EYS: variants seen among roughly 807,000 people sequenced by gnomAD.
EYS encodes the protein EGF-like photoreceptor maintenance factor.
In EYS, 250 loss-of-function variants were observed where a neutral mutation model predicts 282.1. The ratio of observed to expected loss-of-function variants is 0.89; its 90% confidence interval spans 0.80 to 0.98. The LOEUF is 0.98. EYS is among the 50% of genes least tolerant of loss of function. The pLI is 0.00. For missense variants in EYS, 4,016 were observed against 3,709.0 expected, an observed-to-expected ratio of 1.08 and a Z score of -2.15; for synonymous variants, 1,355 against 1,282.9, an observed-to-expected ratio of 1.06 and a Z score of -1.20.
chr6:65,641,225 C>T (rs1767264901), intron 1 of EYS, among the ~76,000 whole-genome samples: 1 of 152,200 alleles, frequency 6.6e-6, no homozygotes, highest in South Asian at 2.1e-4. Flanking sequence ...GCTGTAAGAA[C>T]CAGAAGCATC....
chr6:63,987,241 T>C (rs1020327667), intron 34 of EYS, among the ~76,000 whole-genome samples: 2 of 151,694 alleles, frequency 1.3e-5, no homozygotes, highest in Non-Finnish European at 1.5e-5. Flanking sequence ...GTTTTTTCAG[T>C]GTAGCTGTAG....
At chr6:65,438,779 A>G (rs528253258) in intron 5 of EYS, among the ~76,000 whole-genome samples, 1,858 of 152,108 alleles carry the variant, frequency 0.012, 17 homozygotes, top group Admixed American at 0.02. Flanking sequence ...AGTAGATTGC[A>G]AAAATTTTCT....
intron 37 of EYS, among the ~76,000 whole-genome samples, chr6:63,789,979 C>T (rs1480107208): frequency 1.3e-5 from 2 of 152,168 alleles, no homozygotes; most frequent in Non-Finnish European, 2.9e-5. Context: ...GATCTGTTCA[C>T]AGGAAGCAGA....
intron 22 of EYS, among the ~76,000 whole-genome samples, chr6:64,704,331 TATAC>T (rs1770899170): frequency 6.9e-6 from 1 of 145,960 alleles, no homozygotes; most frequent in African/African-American, 2.5e-5. Flanking sequence ...TATAAATATA[TATAC>T]ATATATAAAA....
chr6:65,026,621 A>G (rs1772416022), intron 13 of EYS, among the ~76,000 whole-genome samples: 1 of 152,186 alleles, frequency 6.6e-6, no homozygotes, highest in Admixed American at 6.5e-5. Flanking sequence ...AGAAACAAGT[A>G]AAGATTCAGA....
At chr6:64,609,295 G>A (rs1157223552) in intron 24 of EYS, among the ~76,000 whole-genome samples, 1 of 152,278 alleles carries the variant, frequency 6.6e-6, no homozygotes, top group African/African-American at 2.4e-5. Flanking sequence ...AGGGACATAT[G>A]CTAAAACCTG....
intron 12 of EYS, among the ~76,000 whole-genome samples, chr6:65,071,327 T>C (rs12207150): frequency 0.25 from 38,517 of 151,764 alleles, 5,267 homozygotes; most frequent in South Asian, 0.32. Context: ...TCAGCCTATT[T>C]GATATCAGAA....
chr6:64,752,670 A>G (rs1202874032), intron 22 of EYS, among the ~76,000 whole-genome samples: 3 of 152,164 alleles, frequency 2.0e-5, no homozygotes, highest in African/African-American at 7.2e-5. Context: ...AGGAAGATAC[A>G]TTGCAAGATG....
intron 30 of EYS, among the ~76,000 whole-genome samples, chr6:64,244,577 C>T (rs1486398754): frequency 6.6e-6 from 1 of 152,046 alleles, no homozygotes; most frequent in Non-Finnish European, 1.5e-5. Context: ...GCAAATATAG[C>T]CCTCTCACAT....
intron 19 of EYS, among the ~76,000 whole-genome samples, chr6:64,885,626 T>C (rs746682787): frequency 6.6e-6 from 1 of 151,830 alleles, no homozygotes. Context: ...GTTTCTTGTA[T>C]ATTATATGTA....
Position 65,076,563 on chromosome 6 carries a change from A to T in EYS, c.2024-18836T>A, listed in dbSNP as rs536320655. Among the ~76,000 whole-genome samples the T allele has an allele frequency of 1.6e-3, 243 of 152,176 alleles. 2 individuals carry two copies. Among genetic ancestry groups the T allele is most frequent in the African/African-American group, 5.6e-3 (233 of 41,538 alleles). ...TAAACTTATTTGTTCAGGTTTACAC[A>T]TCTAGAAAGCAACAAAATTATGACT... is the stretch of plus-strand genomic sequence containing the variant. On this transcript the variant is annotated intron_variant, in intron 12 of 42. Coordinates refer to ENST00000503581, the MANE Select transcript of EYS (RefSeq NM_001142800.2).
At chr6:64,759,407 A>C (rs1485197896) in intron 22 of EYS, among the ~76,000 whole-genome samples, 1 of 152,212 alleles carries the variant, frequency 6.6e-6, no homozygotes, top group Non-Finnish European at 1.5e-5. Flanking sequence ...TTTTATGTAC[A>C]TAATTTTACT....
intron 22 of EYS, among the ~76,000 whole-genome samples, chr6:64,744,213 T>G (rs1388164024): frequency 6.6e-6 from 1 of 152,118 alleles, no homozygotes; most frequent in Non-Finnish European, 1.5e-5. Flanking sequence ...TTGAATCAAT[T>G]CTAGTTGGTA....
At chr6:63,999,208 T>C in intron 33 of EYS, 25 bp from the exon 34 acceptor site, 3 of 1,473,814 alleles carry the variant, frequency 2.0e-6, no homozygotes, top group Non-Finnish European at 2.8e-6. Flanking sequence ...GAAGAGGCCA[T>C]TATGATATGT....
intron 30 of EYS, among the ~76,000 whole-genome samples, chr6:64,299,107 C>T (rs1285147991): frequency 6.6e-6 from 1 of 152,174 alleles, no homozygotes; most frequent in Non-Finnish European, 1.5e-5. Context: ...TGGGTGAAGG[C>T]AGCCTAATCC....
At chr6:64,369,173 T>C (rs998449759) in intron 29 of EYS, among the ~76,000 whole-genome samples, 4 of 152,160 alleles carry the variant, frequency 2.6e-5, no homozygotes, top group Admixed American at 2.0e-4. Context: ...GTTTATCAAA[T>C]AGGGAGTCCT....
chr6:65,673,395 G>A (rs1474180851), intron 1 of EYS, among the ~76,000 whole-genome samples: 3 of 152,040 alleles, frequency 2.0e-5, no homozygotes, highest in African/African-American at 7.2e-5. Flanking sequence ...ATTGGTGATG[G>A]CCTAGATGTG....
At chr6:63,831,517 A>G (rs947152495) in intron 36 of EYS, among the ~76,000 whole-genome samples, 11 of 152,210 alleles carry the variant, frequency 7.2e-5, no homozygotes, top group African/African-American at 2.7e-4. Flanking sequence ...AGAGCTAACT[A>G]TCCTAAATAT....
chr6:64,401,106 G>C (rs1172764943), intron 28 of EYS, among the ~76,000 whole-genome samples: 1 of 152,034 alleles, frequency 6.6e-6, no homozygotes, highest in African/African-American at 2.4e-5. Context: ...AACTTGCACA[G>C]GTGTTAGCAA....
Sources: allele counts gnomAD v4.1 joint callset (sites outside exome capture counted in the v4.1 genomes callset), GRCh38; gene constraint gnomAD v4.1.1; transcripts MANE v1.5; gene names NCBI Gene and HGNC (gene_info 2026-07-23, HGNC 2026-07-21).